Variants in MACROH2A1 observed in about 807,000 individuals in gnomAD.
MACROH2A1 encodes macroH2A.1 histone, also known as core histone macro-H2A.1.
A neutral mutation model predicts 31.6 loss-of-function variants in MACROH2A1; 2 were observed. The observed-to-expected ratio is 0.06, with a 90% CI of 0.03 to 0.20. The LOEUF (loss-of-function observed/expected upper bound fraction) is 0.20. MACROH2A1 is among the 10% of genes least tolerant of loss of function. The probability of loss-of-function intolerance (pLI) is 1.00; values close to 1 mark genes in which losing one functional copy is unlikely to be tolerated. For missense variants in MACROH2A1, 230 were observed against 474.0 expected (o/e 0.49, Z 4.78); for synonymous variants, 169 against 189.6 (o/e 0.89, Z 0.89).
At position 135,398,992 on chromosome 5, in the gene MACROH2A1, C is replaced by G. The variant is rs1187934356; in HGVS notation, c.-34+70G>C. On this transcript the variant is annotated intron_variant, in intron 1 of 8. Coordinates refer to ENST00000511689, the MANE Select transcript of MACROH2A1 (RefSeq NM_138610.3). The surrounding 1 kb of genome is among the most constrained non-coding windows in gnomAD (Gnocchi z 4.6). ...CGGTGCGCGCCAGGCCGGGCCGCTC[C>G]CGGGCACCCGCGGCCGGACCCGAGC... The G allele has an allele frequency of 6.7e-6, 1 of 150,182 alleles. No homozygotes were observed. Among genetic ancestry groups the G allele is most frequent in the Non-Finnish European group, 1.5e-5 (1 of 67,352 alleles). 9.3% of individuals were successfully genotyped at this position (150,182 alleles called of 1,614,324 possible). A position where few individuals can be genotyped will look rare whatever the true frequency, so the allele number is the denominator to read the frequency against.
chr5:135,356,626 T>TGAGGTGGCTCAGAGCC (rs1311499973), intron 5 of MACROH2A1: 1 of 152,160 alleles, frequency 6.6e-6, no homozygotes, highest in Non-Finnish European at 1.5e-5. Context: ...GGCTTGTATC[T>TGAGGTGGCTCAGAGCC]GAGGTGGCTC....
chr5:135,339,766 A>G (rs1759466143), intron 8 of MACROH2A1, among the ~76,000 whole-genome samples: 1 of 152,164 alleles, frequency 6.6e-6, no homozygotes, highest in African/African-American at 2.4e-5. Context: ...CAGGATCCTG[A>G]GCCGAGAGCA....
Position 135,360,477 on chromosome 5 carries a change from G to A in MACROH2A1, c.588+20C>T. 6.7e-7 allele frequency: 1 copy of A among 1,496,304 alleles called. No individual in the cohort carries two copies. Among genetic ancestry groups the A allele is most frequent in the Non-Finnish European group, 9.3e-7 (1 of 1,072,798 alleles). The allele number at this position is 1,496,304 out of a possible 1,614,324, so 92.7% of individuals were successfully genotyped here. On this transcript the variant is annotated intron_variant, in intron 5 of 8. Transcript: ENST00000511689. ...GTCCCTTGGGGCCCTCGAGTAGACTGAGGCCGCGCATCTGCCTACCTTCTG... is the reference window on the plus strand; with the variant it reads ...GTCCCTTGGGGCCCTCGAGTAGACTAAGGCCGCGCATCTGCCTACCTTCTG...
chr5:135,360,516 C>T lies in MACROH2A1; in HGVS notation c.569G>A (p.Ser190Asn). The T allele has an allele frequency of 6.2e-7, 1 of 1,612,296 alleles. No homozygotes were observed. The change falls in exon 5 of 9, where the codon AGC becomes AAC. Residue 190 changes from serine (S) to asparagine (N), a missense_variant. Ser to Asn is a conservative substitution (Grantham distance 46). This residue lies in a region of MACROH2A1 where 183 missense variants were observed against 319.3 expected (regional missense o/e 0.57). Coordinates refer to ENST00000511689, the MANE Select transcript of MACROH2A1 (RefSeq NM_138610.3). ...GCCTACCTTCTGGCCAAGGAAGAGGCTCTTGGTGGAGAGGACTGTGAAGCC... is the reference window on the plus strand; with the variant it reads ...GCCTACCTTCTGGCCAAGGAAGAGGTTCTTGGTGGAGAGGACTGTGAAGCC... ...ADGFTVLSTK[S>N]LFLGQKLNLI...
chr5:135,336,365 G>A (rs564440247), intron 8 of MACROH2A1, among the ~76,000 whole-genome samples: 2 of 152,302 alleles, frequency 1.3e-5, no homozygotes, highest in East Asian at 3.9e-4. Context: ...GGCTTCACCC[G>A]GCTGGTGGAG....
chr5:135,369,538 C>T lies in MACROH2A1; in HGVS notation c.345G>A (p.Ala115=), dbSNP rs569509844. The change falls in exon 4 of 9, where the codon GCG becomes GCA. Residue 115 remains alanine, a synonymous_variant. Transcript: ENST00000511689. This position sits in a 1 kb window ranked among gnomAD's most constrained non-coding sequence, Gnocchi z 4.3. ...ACTTTCCTTTGGATCCCCGCTTCTT[C>T]GCTAGCAACTCGGGGTGGATGTTGG... ...VLPNIHPELL[A]KKRGSKGKLE... 105 of 1,614,100 alleles carry T rather than the reference C, an allele frequency of 6.5e-5. No homozygotes were observed. In the East Asian group the frequency reaches 1.8e-3, roughly 28 times the overall value.
intron 2 of MACROH2A1, among the ~76,000 whole-genome samples, chr5:135,382,557 G>C (rs1765793601): frequency 6.6e-6 from 1 of 151,870 alleles, no homozygotes; most frequent in South Asian, 2.1e-4. Context: ...AGATAACATA[G>C]GAGAAAATCT....
intron 1 of MACROH2A1, among the ~76,000 whole-genome samples, chr5:135,390,123 C>G (rs1767010400): frequency 6.6e-6 from 1 of 152,242 alleles, no homozygotes; most frequent in South Asian, 2.1e-4. Flanking sequence ...CCCCAAATAC[C>G]CTTCCACTTC....
intron 2 of MACROH2A1, among the ~76,000 whole-genome samples, chr5:135,379,646 C>T (rs1482738983): frequency 1.3e-5 from 2 of 152,150 alleles, no homozygotes; most frequent in Non-Finnish European, 2.9e-5. Context: ...AGCAGAAACA[C>T]TGTAAATATG....
Position 135,334,584 on chromosome 5 carries a change from C to A in MACROH2A1, c.*392G>T. 5.4e-6 allele frequency: 1 copy of A among 185,300 alleles called. No individual in the cohort carries two copies. The highest frequency in any genetic ancestry group is 1.1e-5 in the Non-Finnish European group (1 of 88,838). 11.5% of individuals were successfully genotyped at this position (185,300 alleles called of 1,614,324 possible). A position where few individuals can be genotyped will look rare whatever the true frequency, so the allele number is the denominator to read the frequency against. ...AAAGAACATTAGAGTAAAAAGAACG[C>A]CACTGGAGGATGTACAATAAAGCAC... On this transcript the variant is annotated 3_prime_UTR_variant, in exon 9 of 9. Coordinates refer to ENST00000511689, the MANE Select transcript of MACROH2A1 (RefSeq NM_138610.3).
At chr5:135,385,169 T>C (rs1309136470) in intron 2 of MACROH2A1, among the ~76,000 whole-genome samples, 1 of 152,194 alleles carries the variant, frequency 6.6e-6, no homozygotes, top group Non-Finnish European at 1.5e-5. Context: ...TCATGCCAGG[T>C]GTTGGGCTTG....
intron 8 of MACROH2A1, 72 bp from the exon 9 acceptor site, chr5:135,335,213 G>A (rs758128512): frequency 6.2e-6 from 7 of 1,121,144 alleles, no homozygotes; most frequent in Non-Finnish European, 9.4e-6. Context: ...CACCTTACAG[G>A]CCACCTCCCT....
chr5:135,341,948 A>C (rs1759957601), intron 8 of MACROH2A1, among the ~76,000 whole-genome samples: 1 of 152,204 alleles, frequency 6.6e-6, no homozygotes, highest in Non-Finnish European at 1.5e-5. Context: ...GAAGGCTCAC[A>C]AGCTGGGATG....
intron 2 of MACROH2A1, among the ~76,000 whole-genome samples, chr5:135,387,885 T>C (rs1467483049): frequency 6.6e-6 from 1 of 151,906 alleles, no homozygotes; most frequent in Admixed American, 6.6e-5. Context: ...TACCTTATTG[T>C]GTTAGAAGGC....
chr5:135,384,695 C>A (rs1766152841), intron 2 of MACROH2A1, among the ~76,000 whole-genome samples: 1 of 152,222 alleles, frequency 6.6e-6, no homozygotes. Flanking sequence ...TACTTTAACC[C>A]TAATGTTAAT....
At chr5:135,370,186 T>G (rs748099774) in intron 2 of MACROH2A1, 44 bp from the exon 3 acceptor site, 1 of 1,270,232 alleles carries the variant, frequency 7.9e-7, no homozygotes, top group Non-Finnish European at 1.1e-6. Context: ...TAGAGGACCA[T>G]GTGTCCCCGC....
chr5:135,342,337 G>A lies in MACROH2A1; in HGVS notation c.953+923C>T, dbSNP rs546066512. Among the ~76,000 whole-genome samples the A allele has an allele frequency of 2.0e-5, 3 of 152,316 alleles. No homozygotes were observed. The South Asian group carries it at 6.2e-4, about 32-fold the overall frequency. On this transcript the variant is annotated intron_variant, in intron 8 of 8. Transcript: ENST00000511689. ...GATTATTATGCCAACTTCTCAGAAT[G>A]GGGGTTAATTTACATGTCATCACTC...
At chr5:135,345,220 G>A (rs1561579711) in intron 7 of MACROH2A1, 1 of 152,158 alleles carries the variant, frequency 6.6e-6, no homozygotes, top group African/African-American at 2.4e-5. Context: ...GAATAGAGGT[G>A]CACGGCCTGG....
chr5:135,374,542 C>G (rs1764602699), intron 2 of MACROH2A1, among the ~76,000 whole-genome samples: 1 of 152,220 alleles, frequency 6.6e-6, no homozygotes, highest in Non-Finnish European at 1.5e-5. Flanking sequence ...GGAGGGCTTT[C>G]TCCTAGGCTA....
Sources: allele counts gnomAD v4.1 joint callset (sites outside exome capture counted in the v4.1 genomes callset), GRCh38; gene constraint gnomAD v4.1.1; regional missense constraint gnomAD v4.1.1; non-coding constraint Gnocchi (gnomAD v3.1); transcripts MANE v1.5; gene names NCBI Gene and HGNC (gene_info 2026-07-23, HGNC 2026-07-21).